Variants in BICC1 observed in about 807,000 individuals in gnomAD.
The protein encoded by BICC1 is BicC family RNA binding protein 1.
BICC1 carries 43 observed loss-of-function variants against 111.0 expected under a neutral mutation model. The observed-to-expected ratio is 0.39, with a 90% confidence interval of 0.30 to 0.50. The LOEUF is 0.50. BICC1 is among the 20% of genes least tolerant of loss of function. The pLI is 0.88. For missense variants in BICC1, 1,091 were observed against 1,203.2 expected (o/e 0.91, Z 1.38); for synonymous variants, 467 against 434.4 (o/e 1.07, Z -0.93).
rs188926102 is a variant in BICC1, at chr10:58,828,884, G to T, written c.2918G>T (p.Arg973Leu). 1 of 1,613,754 alleles carries T rather than the reference G, an allele frequency of 6.2e-7. No individual in the cohort carries two copies. The highest frequency in any genetic ancestry group is 1.1e-5 in the South Asian group (1 of 91,070). The change falls in exon 21 of 21, where the codon CGC becomes CTC. Residue 973 changes from arginine (R) to leucine (L), a missense_variant. Physicochemically the swap from Arg to Leu is moderately radical, Grantham distance 102 (BLOSUM62 -2). Around this residue, in one of 3 missense-constraint regions of BICC1, gnomAD observed 231 missense variants for 256.2 expected, o/e 0.90. Coordinates refer to ENST00000373886, the MANE Select transcript of BICC1 (RefSeq NM_001080512.3). ...YHSDIASVSG[R>L]W Reference sequence around the variant, plus strand: ...TCAGACATTGCTAGTGTCAGTGGCCGCTGGTAGCAGCACCCTCTTGGCACA... The same window carrying T: ...TCAGACATTGCTAGTGTCAGTGGCCTCTGGTAGCAGCACCCTCTTGGCACA...
At chr10:58,662,940 T>G (rs1588988917) in intron 2 of BICC1, among the ~76,000 whole-genome samples, 1 of 152,174 alleles carries the variant, frequency 6.6e-6, no homozygotes, top group East Asian at 1.9e-4. Flanking sequence ...TTATCCAGTG[T>G]CTAGAATAGT....
chr10:58,531,661 C>A (rs565013970), intron 1 of BICC1, among the ~76,000 whole-genome samples: 8 of 151,422 alleles, frequency 5.3e-5, no homozygotes, highest in Non-Finnish European at 8.8e-5. Context: ...TACAAGAAAA[C>A]ATATACAATG....
intron 11 of BICC1, 103 bp downstream of exon 11, chr10:58,798,663 G>A: frequency 9.3e-7 from 1 of 1,078,220 alleles, no homozygotes; most frequent in South Asian, 2.2e-5. Flanking sequence ...CAAAATTAGG[G>A]TTCAAAGCAT....
chr10:58,613,366 TGAA>T (rs1447988392), intron 1 of BICC1, among the ~76,000 whole-genome samples: 2 of 152,154 alleles, frequency 1.3e-5, no homozygotes, highest in South Asian at 2.1e-4. Context: ...ATAAAAAAGA[TGAA>T]GGAGTATCAG....
chr10:58,713,109 A>G (rs958905127), intron 3 of BICC1, among the ~76,000 whole-genome samples: 4 of 152,220 alleles, frequency 2.6e-5, no homozygotes, highest in Non-Finnish European at 4.4e-5. Flanking sequence ...GTTTTATAAA[A>G]TTTTAAAAAA....
At chr10:58,616,817 C>G (rs763596894) in intron 1 of BICC1, among the ~76,000 whole-genome samples, 7 of 152,382 alleles carry the variant, frequency 4.6e-5, no homozygotes, top group Non-Finnish European at 7.3e-5. Context: ...CACAGTGTTG[C>G]TGCAGGGCTA....
At chr10:58,793,345 C>T in intron 8 of BICC1, 139 bp from the exon 9 acceptor site, 1 of 839,182 alleles carries the variant, frequency 1.2e-6, no homozygotes, top group Non-Finnish European at 1.8e-6. Context: ...GCTATGTGAA[C>T]TTATATAATT....
intron 2 of BICC1, among the ~76,000 whole-genome samples, chr10:58,661,447 C>T (rs908306473): frequency 2.0e-5 from 3 of 152,192 alleles, no homozygotes; most frequent in Admixed American, 6.5e-5. Context: ...AAGCACCAAA[C>T]CTGATTATAG....
intron 1 of BICC1, among the ~76,000 whole-genome samples, chr10:58,539,079 TA>T (rs934089458): frequency 6.6e-6 from 1 of 151,470 alleles, no homozygotes; most frequent in African/African-American, 2.4e-5. Context: ...AATCAATATA[TA>T]AAAAAGACAT....
At chr10:58,728,637 A>G (rs1841187110) in intron 3 of BICC1, among the ~76,000 whole-genome samples, 1 of 152,204 alleles carries the variant, frequency 6.6e-6, no homozygotes, top group South Asian at 2.1e-4. Context: ...GAGGTTTTCA[A>G]TTTACTTTGC....
chr10:58,515,598 C>G (rs1051094978), intron 1 of BICC1, among the ~76,000 whole-genome samples: 1 of 152,124 alleles, frequency 6.6e-6, no homozygotes, highest in East Asian at 1.9e-4. Context: ...TATAATCTTA[C>G]GGGACCATTG....
chr10:58,720,021 C>T (rs1188631394), intron 3 of BICC1, among the ~76,000 whole-genome samples: 2 of 152,162 alleles, frequency 1.3e-5, no homozygotes, highest in African/African-American at 4.8e-5. Context: ...TTATGACTGA[C>T]ATGAATGATT....
chr10:58,754,767 T>TGTGTGG (rs1428296947), intron 3 of BICC1, among the ~76,000 whole-genome samples: 65 of 151,612 alleles, frequency 4.3e-4, no homozygotes, highest in African/African-American at 1.5e-3. Flanking sequence ...TGTATGTGTG[T>TGTGTGG]GTGTGTGTGT....
In BICC1 at chr10:58,769,402, G is replaced by GTATATATATATA. The variant is rs879547814; in HGVS notation, c.308-15598_308-15597insATATATATATAT. Reference sequence around the variant, plus strand: ...TGTGTGTGTGTGTGTGTGTGTGTGTGTGTATATATATATATATATATATAA... The same window carrying GTATATATATATA: ...TGTGTGTGTGTGTGTGTGTGTGTGTGTATATATATATATGTATATATATATATATATATATAA... On this transcript the variant is annotated intron_variant, in intron 3 of 20. Transcript: ENST00000373886. Among the ~76,000 whole-genome samples the GTATATATATATA allele has an allele frequency of 8.1e-3, 903 of 111,994 alleles. 13 individuals are homozygous for GTATATATATATA. Among genetic ancestry groups the GTATATATATATA allele is most frequent in the East Asian group, 0.049 (154 of 3,156 alleles). The allele number at this position is 111,994 out of a possible 152,430, so 73.5% of individuals were successfully genotyped here.
At chr10:58,693,686 T>C (rs1311793720) in intron 2 of BICC1, among the ~76,000 whole-genome samples, 2 of 152,184 alleles carry the variant, frequency 1.3e-5, no homozygotes, top group Admixed American at 6.5e-5. Context: ...TTCATATCCT[T>C]TGCCCGCTTT....
chr10:58,593,924 C>T (rs1844721731), intron 1 of BICC1, among the ~76,000 whole-genome samples: 1 of 151,922 alleles, frequency 6.6e-6, no homozygotes, highest in South Asian at 2.1e-4. Context: ...TAACAGACTC[C>T]TCCAAGCTAA....
intron 3 of BICC1, among the ~76,000 whole-genome samples, chr10:58,741,763 T>C (rs1455351431): frequency 6.6e-6 from 1 of 152,144 alleles, no homozygotes; most frequent in Non-Finnish European, 1.5e-5. Flanking sequence ...TTTCATGATA[T>C]TGTAGTTCTG....
intron 2 of BICC1, among the ~76,000 whole-genome samples, chr10:58,676,323 C>T (rs985925222): frequency 6.6e-6 from 1 of 152,186 alleles, no homozygotes; most frequent in Non-Finnish European, 1.5e-5. Flanking sequence ...GCCAAGTGGT[C>T]TTGCTCAGCA....
chr10:58,651,511 C>A (rs1313562116), intron 2 of BICC1, among the ~76,000 whole-genome samples: 1 of 152,296 alleles, frequency 6.6e-6, no homozygotes, highest in Admixed American at 6.5e-5. Flanking sequence ...GTAAAATTTG[C>A]AGCCCAAAAT....
Sources: allele counts gnomAD v4.1 joint callset (sites outside exome capture counted in the v4.1 genomes callset), GRCh38; gene constraint gnomAD v4.1.1; regional missense constraint gnomAD v4.1.1; transcripts MANE v1.5; gene names NCBI Gene and HGNC (gene_info 2026-07-23, HGNC 2026-07-21).